Variants in PHACTR1 observed in about 807,000 individuals in gnomAD.
PHACTR1 encodes the protein RPEL repeat containing 1.
A neutral mutation model predicts 69.2 loss-of-function variants in PHACTR1; 16 were observed. The ratio of observed to expected loss-of-function variants is 0.23; its 90% CI spans 0.16 to 0.35. The LOEUF is 0.35. PHACTR1 is among the 10% of genes least tolerant of loss of function. PHACTR1 has a pLI of 1.00. For missense variants in PHACTR1, 510 were observed against 734.7 expected, an observed-to-expected ratio of 0.69 and a Z score of 3.54; for synonymous variants, 312 against 284.5, an observed-to-expected ratio of 1.10 and a Z score of -0.97.
intron 5 of PHACTR1, among the ~76,000 whole-genome samples, chr6:13,106,189 C>G (rs1816101655): frequency 6.6e-6 from 1 of 152,190 alleles, no homozygotes; most frequent in Admixed American, 6.5e-5. Flanking sequence ...TTCTCATTGA[C>G]ATTGTTTTTA....
At chr6:13,023,140 C>T (rs560611679) in intron 4 of PHACTR1, among the ~76,000 whole-genome samples, 14 of 152,284 alleles carry the variant, frequency 9.2e-5, no homozygotes, top group African/African-American at 3.4e-4. Context: ...ATATCTGTGT[C>T]GTTCACCTGA....
rs999509794 is a variant in PHACTR1 at position 12,766,554 on chromosome 6, C to T, written c.250+16764C>T. On this transcript the variant is annotated intron_variant, in intron 4 of 14. Transcript: ENST00000332995. ...CTCTTCCCAATTTCAAGATTAGTGA[C>T]GTCATATTGGTAGCTTGAAATCAGT... is the stretch of plus-strand genomic sequence containing the variant. Among the ~76,000 whole-genome samples, 28 of 152,200 alleles carry T rather than the reference C, an allele frequency of 1.8e-4. 1 individual carries two copies. Among genetic ancestry groups the T allele is most frequent in the Admixed American group, 6.5e-4 (10 of 15,284 alleles).
At chr6:12,957,241 G>A (rs1791999542) in intron 4 of PHACTR1, 3 of 504,862 alleles carry the variant, frequency 5.9e-6, no homozygotes, top group Admixed American at 8.8e-5. Flanking sequence ...ATGTTAAAAA[G>A]CTCAACAAAT....
chr6:13,206,020 C>T lies in PHACTR1; in HGVS notation c.870C>T (p.Gly290=). ...PSQIQHQLQY[G]SHGQHLPSTT... ...AGATCCAGCACCAGCTGCAGTACGG[C>T]AGCCACGGCCAGCACCTCCCCTCCA... Residue 290 remains glycine (G), a synonymous_variant, in exon 8 of 15, where the codon GGC becomes GGT. Transcript: ENST00000332995. 1 of 1,613,910 alleles carries T rather than the reference C, an allele frequency of 6.2e-7. No individual in the cohort carries two copies. The highest frequency in any genetic ancestry group is 1.1e-5 in the South Asian group (1 of 91,084).
intron 6 of PHACTR1, among the ~76,000 whole-genome samples, chr6:13,169,204 C>T (rs535664303): frequency 1.3e-5 from 2 of 152,136 alleles, no homozygotes; most frequent in South Asian, 2.1e-4. Context: ...AGGATTTGGG[C>T]GTGGGCGACT....
At chr6:13,026,533 A>T (rs1451327424) in intron 4 of PHACTR1, among the ~76,000 whole-genome samples, 1 of 152,166 alleles carries the variant, frequency 6.6e-6, no homozygotes, top group Non-Finnish European at 1.5e-5. Flanking sequence ...TTGTGCTTTT[A>T]TATCCATAGT....
chr6:12,739,546 T>G (rs1329387073), intron 3 of PHACTR1, among the ~76,000 whole-genome samples: 3 of 151,960 alleles, frequency 2.0e-5, no homozygotes, highest in Non-Finnish European at 4.4e-5. Flanking sequence ...ATAAATAAAT[T>G]TATTTATTTT....
chr6:13,023,229 T>C (rs1801233410), intron 4 of PHACTR1, among the ~76,000 whole-genome samples: 1 of 152,168 alleles, frequency 6.6e-6, no homozygotes, highest in Admixed American at 6.5e-5. Context: ...AAAATCAGCC[T>C]ACAAAGAAAT....
intron 4 of PHACTR1, among the ~76,000 whole-genome samples, chr6:13,044,459 T>C (rs1486895525): frequency 6.6e-6 from 1 of 152,202 alleles, no homozygotes; most frequent in Non-Finnish European, 1.5e-5. Context: ...TCTCATTGCC[T>C]GGCCAAGCTC....
rs1380085288 is a variant in PHACTR1, at chr6:12,856,259, T to TC, written c.250+106469_250+106470insC. ...TTTTTCTTTCTTTCTTTCTTTCTTT[T>TC]TTTTTTTTTCTGAGACAGGAGTTTC... On this transcript the variant is annotated intron_variant, in intron 4 of 14. Coordinates refer to ENST00000332995, the MANE Select transcript of PHACTR1 (RefSeq NM_030948.6). Among the ~76,000 whole-genome samples the TC allele has an allele frequency of 4.7e-5, 7 of 150,280 alleles. 1 individual carries two copies.
intron 4 of PHACTR1, among the ~76,000 whole-genome samples, chr6:12,937,405 A>G (rs6942132): frequency 0.02 from 3,087 of 151,938 alleles, 95 homozygotes; most frequent in African/African-American, 0.067. Context: ...CTGGAGTGCA[A>G]TGGCGCAATC....
intron 4 of PHACTR1, chr6:12,957,877 A>T: frequency 1.0e-6 from 1 of 985,446 alleles, no homozygotes; most frequent in Non-Finnish European, 1.2e-6. Context: ...GCTGCCTGGC[A>T]CCGAGAGGCT....
chr6:13,044,976 C>T (rs13193716), intron 4 of PHACTR1, among the ~76,000 whole-genome samples: 24,966 of 152,098 alleles, frequency 0.16, 2,551 homozygotes, highest in South Asian at 0.26. Context: ...TCCTCTTTTC[C>T]CTTGCTACAG....
intron 4 of PHACTR1, among the ~76,000 whole-genome samples, chr6:12,845,425 A>ACCCCCCCCC (rs1332657788): frequency 4.7e-4 from 7 of 14,810 alleles, no homozygotes; most frequent in African/African-American, 5.5e-4. Flanking sequence ...TGTGAACACC[A>ACCCCCCCCC]CCCACCCCCC....
chr6:12,857,071 A>G (rs9395186), intron 4 of PHACTR1, among the ~76,000 whole-genome samples: 2 of 152,232 alleles, frequency 1.3e-5, no homozygotes, highest in Non-Finnish European at 2.9e-5. Context: ...ACTCCTGAAC[A>G]CAGAACCTGG....
chr6:12,796,941 A>G (rs1365867824), intron 4 of PHACTR1, among the ~76,000 whole-genome samples: 1 of 151,990 alleles, frequency 6.6e-6, no homozygotes, highest in Non-Finnish European at 1.5e-5. Context: ...AACTTGCTCA[A>G]GGACACAAAG....
In PHACTR1 at chr6:13,042,133, C is replaced by T. The variant is rs971552178; in HGVS notation, c.251-11232C>T. On this transcript the variant is annotated intron_variant, in intron 4 of 14. Transcript: ENST00000332995. ...GCCATTAAAAGGCTAAATTGTAATT[C>T]GATTCTTTGAGAAAATAGTACCATA... 6.6e-5 allele frequency among the ~76,000 whole-genome samples: 10 copies of T among 152,100 alleles called. No individual in the cohort carries two copies. The East Asian group carries it at 1.5e-3, about 23-fold the overall frequency.
intron 10 of PHACTR1, among the ~76,000 whole-genome samples, chr6:13,255,425 T>C (rs887525462): frequency 3.3e-5 from 5 of 152,080 alleles, no homozygotes; most frequent in Non-Finnish European, 5.9e-5. Context: ...AAATCTCATG[T>C]CCTTCTCATA....
intron 8 of PHACTR1, among the ~76,000 whole-genome samples, chr6:13,218,848 GGAGGA>G (rs1422254000): frequency 6.3e-5 from 9 of 142,488 alleles, no homozygotes; most frequent in African/African-American, 2.4e-4. Context: ...AGGAGGAGGA[GGAGGA>G]AAGAGAAGAG....
Sources: allele counts gnomAD v4.1 joint callset (sites outside exome capture counted in the v4.1 genomes callset), GRCh38; gene constraint gnomAD v4.1.1; transcripts MANE v1.5; gene names NCBI Gene and HGNC (gene_info 2026-07-23, HGNC 2026-07-21).